PLCH2: variants seen among roughly 807,000 people sequenced by gnomAD.
The protein encoded by PLCH2 is phospholipase C eta 2.
In PLCH2, 98 loss-of-function variants were observed where a neutral mutation model predicts 134.7. The observed-to-expected ratio is 0.73, with a 90% CI of 0.62 to 0.86. The LOEUF is 0.86. Among genes scored for constraint, PLCH2 ranks in the 40% least tolerant of loss-of-function variants. The probability of loss-of-function intolerance (pLI) is 0.00; values close to 1 mark genes in which losing one functional copy is unlikely to be tolerated. For missense variants in PLCH2, 1,994 were observed against 1,986.6 expected (o/e 1.00, Z -0.07); for synonymous variants, 974 against 827.5 (o/e 1.18, Z -3.04).
upstream of PLCH2, among the ~76,000 whole-genome samples, chr1:2,424,096 A>G (rs1638655358): frequency 6.6e-6 from 1 of 152,198 alleles, no homozygotes; most frequent in South Asian, 2.1e-4. Flanking sequence ...GACAGATTAT[A>G]GTTGTATATA....
intron 10 of PLCH2, 89 bp from the exon 11 acceptor site, chr1:2,491,103 G>A: frequency 2.3e-6 from 3 of 1,295,138 alleles, no homozygotes; most frequent in Non-Finnish European, 2.1e-6. Flanking sequence ...GCCTGGGGTG[G>A]GCAGAGTGCT....
At chr1:2,480,680 G>T (rs931546744) in intron 4 of PLCH2, among the ~76,000 whole-genome samples, 3 of 152,222 alleles carry the variant, frequency 2.0e-5, no homozygotes, top group East Asian at 1.9e-4. Flanking sequence ...GCAGCCTCGA[G>T]GGGGGTACAC....
intron 2 of PLCH2, among the ~76,000 whole-genome samples, chr1:2,446,317 AC>A (rs1050924409): frequency 6.6e-6 from 1 of 151,740 alleles, no homozygotes; most frequent in African/African-American, 2.4e-5. Context: ...ATTGCCACTC[AC>A]CCCCCTATTC....
At chr1:2,438,363 CT>C (rs1639532217) in intron 2 of PLCH2, among the ~76,000 whole-genome samples, 2 of 152,204 alleles carry the variant, frequency 1.3e-5, no homozygotes, top group Non-Finnish European at 2.9e-5. Flanking sequence ...CTTGGCACCC[CT>C]GGGGCATGAC....
rs571093109 is a variant in PLCH2, at chr1:2,496,230, C to T, written c.1836-377C>T. Among the ~76,000 whole-genome samples the T allele has an allele frequency of 1.8e-4, 28 of 152,286 alleles. No homozygotes were observed. In the South Asian group the frequency reaches 2.1e-3, roughly 11 times the overall value. ...TCCACGTGTGCCGCTGCCACCCGGC[C>T]GACACGGAGGCCCCCTTGGACCCTG... On this transcript the variant is annotated intron_variant, in intron 13 of 21. Transcript: ENST00000378486.
upstream of PLCH2, among the ~76,000 whole-genome samples, chr1:2,475,404 A>AG (rs1641560588): frequency 6.6e-6 from 1 of 152,230 alleles, no homozygotes; most frequent in South Asian, 2.1e-4. Flanking sequence ...GCCAGGACAC[A>AG]GGTGGCTGGT....
intron 2 of PLCH2, among the ~76,000 whole-genome samples, chr1:2,434,732 G>C (rs1035896691): frequency 6.6e-6 from 1 of 152,202 alleles, no homozygotes; most frequent in African/African-American, 2.4e-5. Flanking sequence ...AGTGGGGAGA[G>C]CCTCGCCGGT....
At chr1:2,425,334 C>T (rs1329448370), upstream of PLCH2, among the ~76,000 whole-genome samples, 1 of 149,010 alleles carries the variant, frequency 6.7e-6, no homozygotes, top group Admixed American at 6.6e-5. Flanking sequence ...CACACATACA[C>T]CCCCCCACAC....
intron 1 of PLCH2, among the ~76,000 whole-genome samples, chr1:2,426,524 G>A (rs935077378): frequency 6.6e-6 from 1 of 152,302 alleles, no homozygotes; most frequent in African/African-American, 2.4e-5. Flanking sequence ...CGGAGTCCCC[G>A]GCCTACACAC....
At chr1:2,489,612 C>T in intron 9 of PLCH2, 148 bp from the exon 10 acceptor site, 1 of 733,020 alleles carries the variant, frequency 1.4e-6, no homozygotes, top group East Asian at 2.7e-5. Flanking sequence ...GGGAGCTGGC[C>T]AGTCTGGCCC....
At chr1:2,434,598 T>G (rs1639235536) in intron 2 of PLCH2, among the ~76,000 whole-genome samples, 1 of 152,204 alleles carries the variant, frequency 6.6e-6, no homozygotes, top group Admixed American at 6.5e-5. Context: ...CCCTGGACAC[T>G]GGGCCGTGGG....
chr1:2,504,312 C>T lies in PLCH2; in HGVS notation c.3350C>T (p.Ala1117Val). Residue 1117 changes from alanine to valine, a missense_variant, in exon 22 of 22, where the codon GCT becomes GTT. This residue lies in a region of PLCH2 where 900 missense variants were observed against 752.3 expected (regional missense o/e 1.20). Coordinates refer to ENST00000378486, the MANE Select transcript of PLCH2 (RefSeq NM_014638.4). ...GWRPLAAPFP[A>V]PAVYSDATGS... ...CGGCCCCTGGCCGCTCCCTTTCCAG[C>T]TCCTGCCGTGTACTCCGATGCCACG... 1 of 1,606,900 alleles carries T rather than the reference C, an allele frequency of 6.2e-7. No individual in the cohort carries two copies. Among genetic ancestry groups the T allele is most frequent in the Middle Eastern group, 1.7e-4 (1 of 6,026 alleles).
Position 2,499,231 on chromosome 1 carries a change from G to A in PLCH2, c.2581+1G>A. The A allele has an allele frequency of 6.2e-7, 1 of 1,612,586 alleles. No homozygotes were observed. Among genetic ancestry groups the A allele is most frequent in the Non-Finnish European group, 8.5e-7 (1 of 1,179,678 alleles). ...CTGGCCTTCAGCAGCATGATGCCAG[G>A]TGGGCAGGAGTGGACACGGTGCCCC... is the stretch of plus-strand genomic sequence containing the variant. On this transcript the variant is annotated splice_donor_variant, in intron 19 of 21. Coordinates refer to ENST00000378486, the MANE Select transcript of PLCH2 (RefSeq NM_014638.4). LOFTEE classifies it high-confidence loss of function.
At chr1:2,459,335 G>A (rs1293556932) in intron 2 of PLCH2, among the ~76,000 whole-genome samples, 3 of 151,890 alleles carry the variant, frequency 2.0e-5, no homozygotes. Context: ...CTTCCTGGTG[G>A]TCCTCCTTCC....
chr1:2,474,255 C>A (rs1024327497), upstream of PLCH2, among the ~76,000 whole-genome samples: 1 of 152,196 alleles, frequency 6.6e-6, no homozygotes, highest in Non-Finnish European at 1.5e-5. Flanking sequence ...TGGGCCCCTG[C>A]CACGTCTCTT....
intron 2 of PLCH2, among the ~76,000 whole-genome samples, chr1:2,443,985 C>T (rs1352848524): frequency 1.3e-5 from 2 of 152,124 alleles, no homozygotes; most frequent in East Asian, 1.9e-4. Flanking sequence ...AGGTGCCGCT[C>T]CTGCCGCTGC....
At chr1:2,459,658 CTCCTTGCCTGTGGTCT>C (rs1557970485) in intron 2 of PLCH2, among the ~76,000 whole-genome samples, 1 of 14,328 alleles carries the variant, frequency 7.0e-5, no homozygotes, top group Non-Finnish European at 1.9e-4. Context: ...TCCGGTGGTC[CTCCTTGCCTGTGGTCT>C]TCCTTTCCGG....
At chr1:2,426,855 C>T (rs937216891) in intron 1 of PLCH2, among the ~76,000 whole-genome samples, 1 of 152,268 alleles carries the variant, frequency 6.6e-6, no homozygotes, top group East Asian at 1.9e-4. Context: ...AGCTTGGGGG[C>T]AGCGGCTGAG....
chr1:2,476,632 CGGTGGCCT>C lies in PLCH2; in HGVS notation c.47_54del (p.Val16AlafsTer83). 6.2e-7 allele frequency: 1 copy of C among 1,603,876 alleles called. No homozygotes were observed. Among genetic ancestry groups the C allele is most frequent in the Non-Finnish European group, 8.5e-7 (1 of 1,176,482 alleles). On this transcript the variant is annotated frameshift_variant, in exon 1 of 22. Transcript: ENST00000378486. LOFTEE classifies it high-confidence loss of function. ...TCCCCCGACAGCCGGACCAAGGGAA[CGGTGGCCT>C]GGCTGGCGGAGGTACTCCTCTGGGT...
Sources: gnomAD v4.1 joint callset for allele counts (sites outside exome capture counted in the v4.1 genomes callset) on GRCh38, gnomAD v4.1.1 for gene constraint, gnomAD v4.1.1 regional missense constraint, MANE v1.5 for transcripts, NCBI Gene and HGNC (gene_info 2026-07-23, HGNC 2026-07-21) for gene names.